CLTB: variants seen among roughly 807,000 people sequenced by gnomAD.
The protein encoded by CLTB is clathrin, light chain (Lcb).
A neutral mutation model predicts 30.5 loss-of-function variants in CLTB; 10 were observed. The ratio of observed to expected loss-of-function variants is 0.33; its 90% CI spans 0.20 to 0.56. The LOEUF (loss-of-function observed/expected upper bound fraction) is 0.56. CLTB is among the 20% of genes least tolerant of loss of function. The pLI, the probability that CLTB is intolerant of heterozygous loss-of-function variation, is 0.91. For missense variants in CLTB, 261 were observed against 308.3 expected (o/e 0.85, Z 1.15); for synonymous variants, 102 against 120.3 (o/e 0.85, Z 1.00).
chr5:176,413,017 T>C (rs1757526410), intron 1 of CLTB, among the ~76,000 whole-genome samples: 1 of 152,158 alleles, frequency 6.6e-6, no homozygotes, highest in East Asian at 1.9e-4. Context: ...GCCTGGGGTC[T>C]ACCCTGACCT....
At chr5:176,401,775 C>T in intron 2 of CLTB, 1 of 456,214 alleles carries the variant, frequency 2.2e-6, no homozygotes, top group Middle Eastern at 3.3e-4. Context: ...TGAACAATTT[C>T]CCGAGGGTGC....
chr5:176,415,064 C>T (rs1757628003), intron 1 of CLTB, among the ~76,000 whole-genome samples: 1 of 152,144 alleles, frequency 6.6e-6, no homozygotes, highest in African/African-American at 2.4e-5. Flanking sequence ...TTTGGATGTA[C>T]CCATGAAGGT....
chr5:176,401,985 C>T (rs192234883), intron 2 of CLTB: 5 of 321,626 alleles, frequency 1.6e-5, no homozygotes, highest in African/African-American at 8.7e-5. Flanking sequence ...AGTCTAAATC[C>T]GATTTATCAT....
intron 2 of CLTB, among the ~76,000 whole-genome samples, chr5:176,400,543 G>A (rs551591477): frequency 6.6e-6 from 1 of 152,302 alleles, no homozygotes; most frequent in Non-Finnish European, 1.5e-5. Context: ...TCACAAGGGT[G>A]TGGCACCCTC....
intron 1 of CLTB, among the ~76,000 whole-genome samples, chr5:176,412,926 C>T (rs1025423042): frequency 6.6e-6 from 1 of 152,132 alleles, no homozygotes; most frequent in African/African-American, 2.4e-5. Context: ...CCGGTCTGTA[C>T]ATTTGGCCTT....
At chr5:176,400,118 G>T (rs945695276) in intron 2 of CLTB, among the ~76,000 whole-genome samples, 1 of 151,444 alleles carries the variant, frequency 6.6e-6, no homozygotes, top group African/African-American at 2.4e-5. Context: ...TTGAATCCGG[G>T]GCGGGGCAGG....
intron 2 of CLTB, chr5:176,406,736 C>A: frequency 7.8e-7 from 1 of 1,275,072 alleles, no homozygotes; most frequent in Non-Finnish European, 1.0e-6. Context: ...AAAGGAAGCA[C>A]AAAAGCTCTG....
intron 2 of CLTB, chr5:176,406,297 G>A: frequency 9.5e-7 from 1 of 1,055,998 alleles, no homozygotes; most frequent in Non-Finnish European, 1.1e-6. Context: ...CAGAAGGCAG[G>A]AGGCGACAGT....
intron 2 of CLTB, chr5:176,406,531 G>C: frequency 7.9e-7 from 1 of 1,259,664 alleles, no homozygotes; most frequent in Non-Finnish European, 1.0e-6. Context: ...GGAGGATGAT[G>C]GGAGTATTAG....
chr5:176,406,328 T>A, intron 2 of CLTB: 2 of 1,100,478 alleles, frequency 1.8e-6, no homozygotes, highest in Non-Finnish European at 2.2e-6. Context: ...CTTGTCTCAG[T>A]CTAGCTCCCT....
In CLTB at chr5:176,416,394, G is replaced by A. The variant is rs747550546; in HGVS notation, c.-31C>T. 1 of 1,573,834 alleles carries A rather than the reference G, an allele frequency of 6.4e-7. No individual in the cohort carries two copies. The highest frequency in any genetic ancestry group is 8.6e-7 in the Non-Finnish European group (1 of 1,163,276). ...CCGCGCCTCCGCCGGAGCCTCCGCTGCGCTCGGCTCTGCCCGCGCCTGCCC... is the reference window on the plus strand; with the variant it reads ...CCGCGCCTCCGCCGGAGCCTCCGCTACGCTCGGCTCTGCCCGCGCCTGCCC... On this transcript the variant is annotated 5_prime_UTR_variant, in exon 1 of 6. Transcript: ENST00000310418.
chr5:176,403,970 G>A (rs183241283), intron 2 of CLTB, among the ~76,000 whole-genome samples: 133 of 150,832 alleles, frequency 8.8e-4, no homozygotes, highest in Middle Eastern at 7.4e-3. Flanking sequence ...ATGTTGTCCA[G>A]GCTGGTCTCA....
In CLTB at chr5:176,416,370, C is replaced by G; in HGVS notation, c.-7G>C. On this transcript the variant is annotated 5_prime_UTR_variant, in exon 1 of 6. Transcript: ENST00000310418. ...AGCCAAAGTCATCAGCCATTTTCCC[C>G]GCGCCTCCGCCGGAGCCTCCGCTGC... 6.3e-7 allele frequency: 1 copy of G among 1,583,762 alleles called. No individual in the cohort carries two copies. The highest frequency in any genetic ancestry group is 8.6e-7 in the Non-Finnish European group (1 of 1,169,338).
intron 2 of CLTB, chr5:176,401,905 G>A (rs1418065266): frequency 7.9e-6 from 3 of 379,734 alleles, no homozygotes; most frequent in African/African-American, 2.1e-5. Context: ...CACCGCCCCT[G>A]GCCTGGACCA....
intron 2 of CLTB, among the ~76,000 whole-genome samples, chr5:176,409,145 T>C (rs1757290588): frequency 6.6e-6 from 1 of 151,980 alleles, no homozygotes; most frequent in Non-Finnish European, 1.5e-5. Context: ...CCCAGCTAAT[T>C]TTGTATTTTT....
intron 1 of CLTB, among the ~76,000 whole-genome samples, chr5:176,413,112 C>T (rs1191861619): frequency 1.3e-5 from 2 of 152,202 alleles, no homozygotes; most frequent in Non-Finnish European, 2.9e-5. Flanking sequence ...CACACCTACA[C>T]AGCATTCCAA....
intron 2 of CLTB, among the ~76,000 whole-genome samples, chr5:176,400,896 G>A (rs1388420495): frequency 6.6e-6 from 1 of 152,210 alleles, no homozygotes. Flanking sequence ...TCAAGGAGGA[G>A]CTCTGGGAGA....
chr5:176,392,904 G>A lies in CLTB; in HGVS notation c.560C>T (p.Thr187Ile). The A allele has an allele frequency of 1.9e-6, 3 of 1,614,186 alleles. No homozygotes were observed. Among genetic ancestry groups the A allele is most frequent in the Non-Finnish European group, 1.7e-6 (2 of 1,180,014 alleles). ...EAFVKESKEE[T>I]PGTEWEKVAQ... ...CACCTTCTCCCACTCTGTGCCTGGG[G>A]TCTCCTCCTTGGATTCCTTCACGAA... The change falls in exon 6 of 6, where the codon ACC becomes ATC. Residue 187 changes from threonine (T) to isoleucine (I), a missense_variant. Transcript: ENST00000310418. This position sits in a 1 kb window ranked among gnomAD's most constrained non-coding sequence, Gnocchi z 5.2.
intron 5 of CLTB, among the ~76,000 whole-genome samples, chr5:176,394,214 G>A (rs777914849): frequency 1.3e-5 from 2 of 152,236 alleles, no homozygotes; most frequent in Admixed American, 1.3e-4. Flanking sequence ...TGTCCCTTCA[G>A]GGTCCAGAGG....
Sources: allele counts gnomAD v4.1 joint callset (sites outside exome capture counted in the v4.1 genomes callset), GRCh38; gene constraint gnomAD v4.1.1; non-coding constraint Gnocchi (gnomAD v3.1); transcripts MANE v1.5; gene names NCBI Gene and HGNC (gene_info 2026-07-23, HGNC 2026-07-21).